MITF: variants seen among roughly 807,000 people sequenced by gnomAD.
The protein encoded by MITF is melanocyte inducing transcription factor, also known as microphthalmia-associated transcription factor.
MITF carries 17 observed loss-of-function variants against 60.5 expected under a neutral mutation model. The ratio of observed to expected loss-of-function variants is 0.28; its 90% confidence interval spans 0.19 to 0.42. The LOEUF (loss-of-function observed/expected upper bound fraction) is 0.42, where lower values mean the gene tolerates loss of function less well. Among genes scored for constraint, MITF ranks in the 10% least tolerant of loss-of-function variants. MITF has a pLI of 1.00. For synonymous variants in MITF, 260 were observed against 248.5 expected (o/e 1.05, Z -0.43); for missense variants, 622 against 683.5 (o/e 0.91, Z 1.00).
chr3:69,807,688 C>A (rs539910151), intron 1 of MITF, among the ~76,000 whole-genome samples: 1 of 152,258 alleles, frequency 6.6e-6, no homozygotes, highest in Admixed American at 6.5e-5. Flanking sequence ...CACTTTGATA[C>A]CTTTATTTGG....
At chr3:69,937,366 G>A (rs551859089) in intron 2 of MITF, among the ~76,000 whole-genome samples, 259 of 55,874 alleles carry the variant, frequency 4.6e-3, no homozygotes, top group African/African-American at 0.03. Context: ...TCTTAAGGAG[G>A]TGTGTGTGTG....
chr3:69,909,618 T>C (rs2065179964), intron 2 of MITF, among the ~76,000 whole-genome samples: 1 of 152,084 alleles, frequency 6.6e-6, no homozygotes, highest in South Asian at 2.1e-4. Flanking sequence ...TGGTCTCAGA[T>C]GGAGATGAGG....
intron 1 of MITF, among the ~76,000 whole-genome samples, chr3:69,783,698 T>TG (rs1277421532): frequency 2.0e-5 from 3 of 151,956 alleles, no homozygotes; most frequent in East Asian, 1.9e-4. Flanking sequence ...ATCCAGAATA[T>TG]GTTTTTTTTT....
At chr3:69,860,972 G>A (rs568240566) in intron 1 of MITF, among the ~76,000 whole-genome samples, 10 of 152,170 alleles carry the variant, frequency 6.6e-5, no homozygotes, top group Admixed American at 3.3e-4. Flanking sequence ...GAGTGCTACT[G>A]CACAGTTATT....
chr3:69,879,303 G>T lies in MITF; in HGVS notation c.274G>T (p.Val92Leu), dbSNP rs559222331. The change falls in exon 2 of 10, where the codon GTG becomes TTG. Residue 92 changes from valine (V) to leucine (L), a missense_variant. Transcript: ENST00000352241. ...CCAGTTCATGCAACAGAGAGTGCCC[G>T]TGAGTCAGACACCAGCCATAAACGT... ...AAQFMQQRVP[V>L]SQTPAINVSV... The T allele has an allele frequency of 1.2e-6, 2 of 1,614,178 alleles. No individual in the cohort carries two copies. Among genetic ancestry groups the T allele is most frequent in the East Asian group, 4.5e-5 (2 of 44,878 alleles).
At chr3:69,800,549 G>A (rs1035633481) in intron 1 of MITF, among the ~76,000 whole-genome samples, 16 of 152,074 alleles carry the variant, frequency 1.1e-4, no homozygotes, top group African/African-American at 3.9e-4. Context: ...TCTTACAGCA[G>A]GCAAACCACT....
At chr3:69,893,866 A>C (rs1010908483) in intron 2 of MITF, among the ~76,000 whole-genome samples, 2 of 152,208 alleles carry the variant, frequency 1.3e-5, no homozygotes, top group African/African-American at 4.8e-5. Flanking sequence ...ACTTTCCCCC[A>C]AATTACACCC....
intron 1 of MITF, among the ~76,000 whole-genome samples, chr3:69,829,949 C>T (rs1410050519): frequency 1.3e-5 from 2 of 152,130 alleles, no homozygotes; most frequent in African/African-American, 4.8e-5. Context: ...GAATTCACTG[C>T]CACGTATCAC....
intron 2 of MITF, among the ~76,000 whole-genome samples, chr3:69,919,587 A>G (rs1374395921): frequency 6.6e-6 from 1 of 152,092 alleles, no homozygotes; most frequent in South Asian, 2.1e-4. Context: ...CTAACTCTTT[A>G]TTATGGAAAA....
Position 69,938,057 on chromosome 3 carries a change from A to G in MITF, c.582+8A>G. On this transcript the variant is annotated splice_region_variant and intron_variant, in intron 3 of 9. Transcript: ENST00000352241. ...TCCAACTGTGAAAAAGAGGTAATTC[A>G]TGTCTCCTCTCCTCTCCTGTTTTCT... is the stretch of plus-strand genomic sequence containing the variant. The G allele has an allele frequency of 6.2e-7, 1 of 1,610,462 alleles. No homozygotes were observed.
chr3:69,770,322 A>G (rs2062373501), intron 1 of MITF, among the ~76,000 whole-genome samples: 3 of 152,204 alleles, frequency 2.0e-5, no homozygotes, highest in Admixed American at 6.5e-5. Flanking sequence ...ATTAATGGGT[A>G]TGCATTCCAG....
chr3:69,920,392 G>A (rs985216529), intron 2 of MITF, among the ~76,000 whole-genome samples: 9 of 152,142 alleles, frequency 5.9e-5, no homozygotes, highest in Non-Finnish European at 1.5e-5. Flanking sequence ...AGGCTTGCCC[G>A]TGGTTTTCCG....
intron 1 of MITF, among the ~76,000 whole-genome samples, chr3:69,789,090 A>G (rs2062698229): frequency 6.6e-6 from 1 of 152,234 alleles, no homozygotes; most frequent in Non-Finnish European, 1.5e-5. Flanking sequence ...AAAAATTGAC[A>G]TAGGACAGTC....
At chr3:69,843,063 C>A (rs1372488982) in intron 1 of MITF, among the ~76,000 whole-genome samples, 1 of 152,096 alleles carries the variant, frequency 6.6e-6, no homozygotes, top group Non-Finnish European at 1.5e-5. Flanking sequence ...GAACTGAAAA[C>A]CCTATAGAAT....
chr3:69,888,549 C>G (rs1298037246), intron 2 of MITF, among the ~76,000 whole-genome samples: 1 of 151,704 alleles, frequency 6.6e-6, no homozygotes, highest in African/African-American at 2.4e-5. Context: ...AAGCCGTAGA[C>G]GTACATTGAC....
chr3:69,866,096 G>A (rs1044962589), intron 1 of MITF: 1 of 1,024,742 alleles, frequency 9.8e-7, no homozygotes, highest in African/African-American at 1.7e-5. Flanking sequence ...TTGTCCTGCA[G>A]GTACAGTAGG....
chr3:69,913,674 G>A (rs1034988251), intron 2 of MITF, among the ~76,000 whole-genome samples: 18 of 152,122 alleles, frequency 1.2e-4, no homozygotes, highest in Admixed American at 4.6e-4. Context: ...ACAGCTCATT[G>A]GACAGGAAGG....
chr3:69,747,334 A>G (rs546713244), intron 1 of MITF, among the ~76,000 whole-genome samples: 3 of 152,362 alleles, frequency 2.0e-5, no homozygotes, highest in Admixed American at 6.5e-5. Flanking sequence ...CGGTTGTATG[A>G]TCAGGAATGA....
intron 1 of MITF, among the ~76,000 whole-genome samples, chr3:69,819,684 A>G (rs2063236229): frequency 6.6e-6 from 1 of 152,156 alleles, no homozygotes. Context: ...ACTGGGTGCC[A>G]TGGCTCATGC....
Sources: allele counts gnomAD v4.1 joint callset (sites outside exome capture counted in the v4.1 genomes callset), GRCh38; gene constraint gnomAD v4.1.1; transcripts MANE v1.5; gene names NCBI Gene and HGNC (gene_info 2026-07-23, HGNC 2026-07-21).